Variants in PROM1 observed in about 807,000 individuals in gnomAD.
PROM1 encodes the protein prominin 1, also known as prominin-1.
Under a neutral mutation model 116.9 loss-of-function variants are expected in PROM1, and 105 were observed. The ratio of observed to expected loss-of-function variants is 0.90; its 90% CI spans 0.77 to 1.06. The LOEUF (loss-of-function observed/expected upper bound fraction) is 1.06. Ranked by LOEUF, PROM1 falls within the 50% of genes least tolerant of loss-of-function variation. The pLI is 0.00. For missense variants in PROM1, 1,122 were observed against 1,045.2 expected (o/e 1.07, Z -1.01); for synonymous variants, 393 against 387.0 (o/e 1.02, Z -0.18).
At chr4:16,038,559 C>T (rs958075313) in intron 3 of PROM1, among the ~76,000 whole-genome samples, 12 of 152,070 alleles carry the variant, frequency 7.9e-5, no homozygotes, top group Non-Finnish European at 1.5e-4. Flanking sequence ...AGTGCCACCA[C>T]GCCCGGCTAA....
intron 1 of PROM1, chr4:16,076,363 G>A (rs533159597): frequency 1.5e-4 from 24 of 161,286 alleles, no homozygotes; most frequent in African/African-American, 5.0e-4. Context: ...TTATGGGTTC[G>A]GGAAATACTA....
intron 26 of PROM1, 104 bp from the exon 27 acceptor site, chr4:15,971,186 AAT>A: frequency 1.1e-6 from 1 of 875,322 alleles, no homozygotes; most frequent in Non-Finnish European, 1.7e-6. Context: ...GGTACAGACG[AAT>A]ATAAACCACA....
chr4:16,023,483 T>G, intron 7 of PROM1, 68 bp from the exon 8 acceptor site: 1 of 1,261,380 alleles, frequency 7.9e-7, no homozygotes, highest in South Asian at 1.4e-5. Context: ...TCCCTCATTC[T>G]CTCCACACTG....
chr4:16,025,004 C>T (rs1421758162), intron 6 of PROM1, among the ~76,000 whole-genome samples, 188 bp downstream of exon 6: 3 of 152,224 alleles, frequency 2.0e-5, no homozygotes, highest in East Asian at 1.9e-4. Context: ...TTCTGAAATT[C>T]GGCTTTTGTA....
intron 8 of PROM1, among the ~76,000 whole-genome samples, chr4:16,021,621 G>T (rs1729913444): frequency 6.6e-6 from 1 of 152,190 alleles, no homozygotes. Context: ...GATCCAGGCT[G>T]CAGTGTTGCC....
At chr4:16,026,812 A>G (rs952135812) in intron 5 of PROM1, among the ~76,000 whole-genome samples, 13 of 152,172 alleles carry the variant, frequency 8.5e-5, no homozygotes, top group African/African-American at 3.1e-4. Flanking sequence ...ACGTTGAGGG[A>G]TATTTCCTAT....
At chr4:16,060,851 TGAAC>T (rs1461870993) in intron 2 of PROM1, among the ~76,000 whole-genome samples, 1 of 152,244 alleles carries the variant, frequency 6.6e-6, no homozygotes, top group Non-Finnish European at 1.5e-5. Flanking sequence ...TAGCAAATAT[TGAAC>T]ACGAAAGCAA....
At chr4:16,011,000 G>T (rs1053642212) in intron 11 of PROM1, among the ~76,000 whole-genome samples, 1 of 152,086 alleles carries the variant, frequency 6.6e-6, no homozygotes, top group African/African-American at 2.4e-5. Flanking sequence ...GACTCAGTGG[G>T]TCTCTTGGTT....
chr4:15,978,537 T>C (rs1291867992), intron 26 of PROM1, among the ~76,000 whole-genome samples: 2 of 152,226 alleles, frequency 1.3e-5, no homozygotes, highest in Non-Finnish European at 2.9e-5. Flanking sequence ...CTTACCTGAA[T>C]GTGGGCACTT....
At position 16,033,330 on chromosome 4, in the gene PROM1, G is replaced by A; in HGVS notation, c.483C>T (p.Ser161=). The part of the protein sequence containing the change: ...GPFLRKCFAI[S]LLVICIIISI... ...TTATTATTATACAAATCACCAACAG[G>A]GAGATTGCAAAGCATTTCCTCAGGA... The change falls in exon 5 of 28, where the codon TCC becomes TCT. Residue 161 remains serine (S), a synonymous_variant. Coordinates refer to ENST00000447510, the MANE Select transcript of PROM1 (RefSeq NM_006017.3). The A allele has an allele frequency of 6.2e-7, 1 of 1,613,504 alleles. No individual in the cohort carries two copies. Among genetic ancestry groups the A allele is most frequent in the Non-Finnish European group, 8.5e-7 (1 of 1,179,664 alleles).
chr4:16,003,608 C>A (rs1042130696), intron 13 of PROM1, among the ~76,000 whole-genome samples: 13 of 152,138 alleles, frequency 8.5e-5, no homozygotes, highest in Admixed American at 8.5e-4. Context: ...CCTCCTACGC[C>A]CCCCTGCAAC....
chr4:15,982,322 A>T (rs1350003112), intron 23 of PROM1, among the ~76,000 whole-genome samples: 1 of 152,180 alleles, frequency 6.6e-6, no homozygotes, highest in African/African-American at 2.4e-5. Context: ...CAGAGGTGGC[A>T]CCACCTCTTG....
chr4:16,056,418 G>A (rs901648126), intron 2 of PROM1, among the ~76,000 whole-genome samples: 6 of 152,112 alleles, frequency 3.9e-5, no homozygotes, highest in African/African-American at 9.7e-5. Flanking sequence ...TACTTGCTGC[G>A]TTGTGGGCAC....
intron 8 of PROM1, among the ~76,000 whole-genome samples, chr4:16,019,131 A>T (rs1205176259): frequency 3.3e-5 from 5 of 152,164 alleles, no homozygotes; most frequent in Non-Finnish European, 7.4e-5. Context: ...ATCATGCAAC[A>T]TGGGGGTTAG....
At chr4:15,975,098 A>C (rs1715763161) in intron 26 of PROM1, among the ~76,000 whole-genome samples, 1 of 152,198 alleles carries the variant, frequency 6.6e-6, no homozygotes, top group South Asian at 2.1e-4. Flanking sequence ...AGGTAATAAG[A>C]AAAGATTATG....
intron 27 of PROM1, among the ~76,000 whole-genome samples, chr4:15,970,157 T>C (rs1009130173): frequency 1.3e-5 from 2 of 151,398 alleles, no homozygotes; most frequent in African/African-American, 4.8e-5. Flanking sequence ...AAAAACACTT[T>C]CTTTTCTTTT....
At chr4:16,062,933 A>C (rs955532387) in intron 2 of PROM1, among the ~76,000 whole-genome samples, 1 of 152,186 alleles carries the variant, frequency 6.6e-6, no homozygotes, top group East Asian at 1.9e-4. Flanking sequence ...TAAAAGTTGC[A>C]ATATATTTGA....
chr4:16,019,272 T>C (rs1729218194), intron 8 of PROM1, among the ~76,000 whole-genome samples: 1 of 152,250 alleles, frequency 6.6e-6, no homozygotes, highest in Non-Finnish European at 1.5e-5. Context: ...AACTTTATGT[T>C]AGTGGAAAGC....
chr4:15,980,471 T>C lies in PROM1; in HGVS notation c.2440A>G (p.Lys814Glu), dbSNP rs1267515585. ...ATTCGACGATAGTACTTAGCCAGTTTTACCGCAAAAATTAGAGCCGGAAGT... is the reference window on the plus strand; with the variant it reads ...ATTCGACGATAGTACTTAGCCAGTTCTACCGCAAAAATTAGAGCCGGAAGT... ...FLLPALIFAV[K>E]LAKYYRRMDS... Residue 814 changes from lysine to glutamate, a missense_variant, in exon 24 of 28, where the codon AAA becomes GAA. Physicochemically the swap from Lys to Glu is moderately conservative, Grantham distance 56. Coordinates refer to ENST00000447510, the MANE Select transcript of PROM1 (RefSeq NM_006017.3). 3.2e-6 allele frequency: 5 copies of C among 1,557,390 alleles called. No individual in the cohort carries two copies. Among genetic ancestry groups the C allele is most frequent in the Non-Finnish European group, 4.3e-6 (5 of 1,149,508 alleles).
Sources: allele counts gnomAD v4.1 joint callset (sites outside exome capture counted in the v4.1 genomes callset), GRCh38; gene constraint gnomAD v4.1.1; transcripts MANE v1.5; gene names NCBI Gene and HGNC (gene_info 2026-07-23, HGNC 2026-07-21).